Variants in FOXN3 observed in about 807,000 individuals in gnomAD.
FOXN3 encodes the protein forkhead box N3, also known as forkhead box protein N3.
A neutral mutation model predicts 38.4 loss-of-function variants in FOXN3; 7 were observed. The observed-to-expected ratio is 0.18, with a 90% CI of 0.10 to 0.34. The LOEUF (loss-of-function observed/expected upper bound fraction) is 0.34, where lower values mean the gene tolerates loss of function less well. Among genes scored for constraint, FOXN3 ranks in the 10% least tolerant of loss-of-function variants. The probability of loss-of-function intolerance (pLI) is 1.00; values close to 1 mark genes in which losing one functional copy is unlikely to be tolerated. For missense variants in FOXN3, 456 were observed against 613.4 expected, an observed-to-expected ratio of 0.74 and a Z score of 2.71; for synonymous variants, 230 against 242.2, an observed-to-expected ratio of 0.95 and a Z score of 0.47.
intron 1 of FOXN3, among the ~76,000 whole-genome samples, chr14:89,488,644 C>T (rs1893503299): frequency 6.7e-6 from 1 of 148,764 alleles, no homozygotes; most frequent in South Asian, 2.1e-4. Flanking sequence ...AAAAAAACTA[C>T]ATCCAGTTTA....
At chr14:89,249,745 G>A (rs1052344870) in intron 4 of FOXN3, among the ~76,000 whole-genome samples, 2 of 152,180 alleles carry the variant, frequency 1.3e-5, no homozygotes, top group Admixed American at 1.3e-4. Flanking sequence ...GTGGTGTATA[G>A]GACTACAACA....
intron 1 of FOXN3, among the ~76,000 whole-genome samples, chr14:89,415,883 C>CACACACA (rs60129607): frequency 3.1e-4 from 46 of 148,264 alleles, no homozygotes; most frequent in Middle Eastern, 3.5e-3. Flanking sequence ...CACACACACA[C>CACACACA]CCTCTTTTGT....
chr14:89,189,328 C>G (rs919695708), intron 4 of FOXN3, among the ~76,000 whole-genome samples: 5 of 152,200 alleles, frequency 3.3e-5, no homozygotes, highest in Non-Finnish European at 5.9e-5. Context: ...CTTCCCACTG[C>G]TCAGCAAGCC....
rs145727549 is a variant in FOXN3 at position 89,214,778 on chromosome 14, G to A, written c.746-33972C>T. 5.1e-3 allele frequency among the ~76,000 whole-genome samples: 775 copies of A among 152,352 alleles called. 5 individuals are homozygous for A. Among genetic ancestry groups the A allele is most frequent in the African/African-American group, 0.018 (731 of 41,572 alleles). ...CAGCCCAGTGGGGACCACGTAATGTGAATGCCTTCTATCTAAGCAGAGTAT... is the reference window on the plus strand; with the variant it reads ...CAGCCCAGTGGGGACCACGTAATGTAAATGCCTTCTATCTAAGCAGAGTAT... On this transcript the variant is annotated intron_variant, in intron 4 of 5. Coordinates refer to ENST00000557258, the MANE Select transcript of FOXN3 (RefSeq NM_005197.4).
rs549632819 is a variant in FOXN3, at chr14:89,164,609, G to A, written c.852-1640C>T. ...CCAGTGGCTATCGCCGTGTCAGCAC[G>A]GTGGACACAGCAGATAAACTGAGGA... is the stretch of plus-strand genomic sequence containing the variant. On this transcript the variant is annotated intron_variant, in intron 5 of 5. Coordinates refer to ENST00000557258, the MANE Select transcript of FOXN3 (RefSeq NM_005197.4). The surrounding 1 kb of genome is among the most constrained non-coding windows in gnomAD (Gnocchi z 4.3). 2.6e-5 allele frequency among the ~76,000 whole-genome samples: 4 copies of A among 152,278 alleles called. No homozygotes were observed. The highest frequency in any genetic ancestry group is 4.1e-4 in the South Asian group (2 of 4,822).
At chr14:89,587,681 G>A (rs1159575505) in intron 1 of FOXN3, among the ~76,000 whole-genome samples, 1 of 151,904 alleles carries the variant, frequency 6.6e-6, no homozygotes, top group African/African-American at 2.4e-5. Context: ...CAGCCTGGAC[G>A]ATATGGGGAA....
chr14:89,235,884 A>G (rs1186579072), intron 4 of FOXN3, among the ~76,000 whole-genome samples: 1 of 136,394 alleles, frequency 7.3e-6, no homozygotes, highest in African/African-American at 3.8e-5. Flanking sequence ...TGGAGTTCTG[A>G]TCTCCAGAAC....
At chr14:89,285,736 G>A (rs573114955) in intron 3 of FOXN3, among the ~76,000 whole-genome samples, 3 of 152,172 alleles carry the variant, frequency 2.0e-5, no homozygotes, top group Non-Finnish European at 2.9e-5. Context: ...TCGGTACAGA[G>A]GTTCAGTTTT....
At chr14:89,532,352 A>C (rs1249551229) in intron 1 of FOXN3, among the ~76,000 whole-genome samples, 1 of 152,210 alleles carries the variant, frequency 6.6e-6, no homozygotes, top group African/African-American at 2.4e-5. Context: ...AAAGAAAGAA[A>C]ATACCACCTT....
chr14:89,193,552 C>T (rs770039145), intron 4 of FOXN3, among the ~76,000 whole-genome samples: 1 of 152,040 alleles, frequency 6.6e-6, no homozygotes, highest in African/African-American at 2.4e-5. Context: ...TTCTGTTATT[C>T]ATCAAAGATG....
At chr14:89,471,119 G>A (rs903984688) in intron 1 of FOXN3, among the ~76,000 whole-genome samples, 2 of 152,224 alleles carry the variant, frequency 1.3e-5, no homozygotes, top group Non-Finnish European at 2.9e-5. Context: ...GGAGGCTGCA[G>A]GTTGCCATGC....
chr14:89,256,719 G>A (rs1359355189), intron 4 of FOXN3, among the ~76,000 whole-genome samples: 1 of 152,124 alleles, frequency 6.6e-6, no homozygotes, highest in Non-Finnish European at 1.5e-5. Flanking sequence ...TATTGAGTTT[G>A]GCATCCATTG....
intron 1 of FOXN3, among the ~76,000 whole-genome samples, chr14:89,436,289 TAAAAAA>T (rs77915176): frequency 7.4e-6 from 1 of 134,820 alleles, no homozygotes; most frequent in Non-Finnish European, 1.6e-5. Flanking sequence ...GTTTATTCAT[TAAAAAA>T]AAAAAAAAAA....
At chr14:89,196,137 G>T (rs1381201747) in intron 4 of FOXN3, among the ~76,000 whole-genome samples, 1 of 152,186 alleles carries the variant, frequency 6.6e-6, no homozygotes, top group African/African-American at 2.4e-5. Flanking sequence ...GTACGAGACT[G>T]GAAAACGGTC....
chr14:89,367,632 T>A lies in FOXN3; in HGVS notation c.544-16824A>T, dbSNP rs1018877827. Reference sequence around the variant, plus strand: ...CAGGGTCAGGGAGACAGAACGGGGGTTGGACGCAGGGGATAAATTCACACT... The same window carrying A: ...CAGGGTCAGGGAGACAGAACGGGGGATGGACGCAGGGGATAAATTCACACT... On this transcript the variant is annotated intron_variant, in intron 2 of 5. Transcript: ENST00000557258. 5.9e-4 allele frequency among the ~76,000 whole-genome samples: 89 copies of A among 151,658 alleles called. 1 individual carries two copies. Among genetic ancestry groups the A allele is most frequent in the African/African-American group, 2.1e-3 (87 of 41,312 alleles).
In FOXN3 at chr14:89,161,874, G is replaced by A. The variant is rs1048146204; in HGVS notation, c.*540C>T. On this transcript the variant is annotated 3_prime_UTR_variant, in exon 6 of 6. Coordinates refer to ENST00000557258, the MANE Select transcript of FOXN3 (RefSeq NM_005197.4). ...TTCCTGGCACCATCAGATGCCTGGTGCCACAAGCTTGGGTCTGCTCCTAGG... is the reference window on the plus strand; with the variant it reads ...TTCCTGGCACCATCAGATGCCTGGTACCACAAGCTTGGGTCTGCTCCTAGG... 6.6e-6 allele frequency: 1 copy of A among 152,246 alleles called. No homozygotes were observed. Among genetic ancestry groups the A allele is most frequent in the African/African-American group, 2.4e-5 (1 of 41,404 alleles). 9.4% of individuals were successfully genotyped at this position (152,246 alleles called of 1,614,324 possible).
intron 1 of FOXN3, among the ~76,000 whole-genome samples, chr14:89,560,969 A>G (rs1270460360): frequency 6.6e-6 from 1 of 152,242 alleles, no homozygotes; most frequent in Non-Finnish European, 1.5e-5. Context: ...TGGAAAGGAC[A>G]CTGGCAATCA....
rs146441517 is a variant in FOXN3 at position 89,534,944 on chromosome 14, T to C, written c.-15+84084A>G. The stretch of plus-strand genomic sequence containing the variant: ...TCTGCCCACATCTCAGAATCTGCTC[T>C]TCTAAAACAGCTGCTTCAATTGAAG... On this transcript the variant is annotated intron_variant, in intron 1 of 6. Coordinates refer to the FOXN3 transcript ENST00000345097. Among the ~76,000 whole-genome samples, 384 of 152,366 alleles carry C rather than the reference T, an allele frequency of 2.5e-3. 4 individuals are homozygous for C. Among genetic ancestry groups the C allele is most frequent in the African/African-American group, 8.9e-3 (368 of 41,572 alleles).
intron 3 of FOXN3, among the ~76,000 whole-genome samples, chr14:89,282,855 G>A (rs1490040371): frequency 6.6e-6 from 1 of 152,204 alleles, no homozygotes; most frequent in Non-Finnish European, 1.5e-5. Context: ...AAATCCAGTG[G>A]TTTAGATAAG....
Sources: gnomAD v4.1 joint callset for allele counts (sites outside exome capture counted in the v4.1 genomes callset) on GRCh38, gnomAD v4.1.1 for gene constraint, Gnocchi (gnomAD v3.1) non-coding constraint, MANE v1.5 for transcripts, NCBI Gene and HGNC (gene_info 2026-07-23, HGNC 2026-07-21) for gene names.